Variants in FRMD4A observed in about 807,000 individuals in gnomAD.
FRMD4A encodes FERM domain-containing protein 4A.
FRMD4A carries 29 observed loss-of-function variants against 129.1 expected under a neutral mutation model. The ratio of observed to expected loss-of-function variants is 0.22; its 90% CI spans 0.17 to 0.31. The LOEUF is 0.31. FRMD4A is among the 10% of genes least tolerant of loss of function. The pLI is 1.00. For synonymous variants in FRMD4A, 634 were observed against 571.6 expected (o/e 1.11, Z -1.56); for missense variants, 1,272 against 1,375.8 (o/e 0.92, Z 1.19).
chr10:14,220,697 A>C (rs139253061), intron 2 of FRMD4A, among the ~76,000 whole-genome samples: 44 of 152,206 alleles, frequency 2.9e-4, no homozygotes, highest in African/African-American at 1.0e-3. Flanking sequence ...GAGTCATTCA[A>C]TAGAGGACCA....
chr10:14,167,388 C>T (rs968547190), intron 2 of FRMD4A, among the ~76,000 whole-genome samples: 3 of 151,384 alleles, frequency 2.0e-5, no homozygotes, highest in Admixed American at 6.6e-5. Flanking sequence ...AAAAATTAGC[C>T]GGGTGTGGTG....
At chr10:13,741,664 G>A (rs1479664938) in intron 9 of FRMD4A, among the ~76,000 whole-genome samples, 1 of 152,146 alleles carries the variant, frequency 6.6e-6, no homozygotes, top group Non-Finnish European at 1.5e-5. Flanking sequence ...CCTTAACCAA[G>A]TGCCCACAGC....
intron 2 of FRMD4A, among the ~76,000 whole-genome samples, chr10:13,947,924 C>G (rs1287970666): frequency 6.6e-6 from 1 of 151,976 alleles, no homozygotes; most frequent in Admixed American, 6.6e-5. Flanking sequence ...TCAGGCGGGG[C>G]ATAGTGGCTC....
At chr10:13,765,101 A>ATTTTTTTTTTTGTT (rs2092233025) in intron 6 of FRMD4A, among the ~76,000 whole-genome samples, 5 of 125,276 alleles carry the variant, frequency 4.0e-5, no homozygotes, top group Non-Finnish European at 8.1e-5. Flanking sequence ...TCAAGGATTG[A>ATTTTTTTTTTTGTT]TTTTTTTTTT....
chr10:14,021,282 G>C (rs1012351714), intron 2 of FRMD4A, among the ~76,000 whole-genome samples: 23 of 151,930 alleles, frequency 1.5e-4, no homozygotes, highest in African/African-American at 5.1e-4. Context: ...GCTCACACCT[G>C]TAATAATCCT....
chr10:13,732,038 G>T (rs1409987293), intron 12 of FRMD4A, among the ~76,000 whole-genome samples: 2 of 152,148 alleles, frequency 1.3e-5, no homozygotes, highest in Non-Finnish European at 1.5e-5. Context: ...TGCATTGAGG[G>T]CTGTGCTTCT....
intron 15 of FRMD4A, chr10:13,675,741 A>C (rs1016278790): frequency 1.9e-4 from 29 of 152,124 alleles, no homozygotes; most frequent in African/African-American, 7.0e-4. Flanking sequence ...CCTTAAAAAT[A>C]CTTATTATTT....
At chr10:13,730,522 A>G (rs554051884) in intron 12 of FRMD4A, among the ~76,000 whole-genome samples, 2 of 152,152 alleles carry the variant, frequency 1.3e-5, no homozygotes, top group African/African-American at 4.8e-5. Context: ...GCAAACTAAG[A>G]CGAAACTTGG....
chr10:13,997,439 G>A (rs2095626579), intron 2 of FRMD4A, among the ~76,000 whole-genome samples: 2 of 152,032 alleles, frequency 1.3e-5, no homozygotes, highest in African/African-American at 2.4e-5. Context: ...TTCCTCTGCT[G>A]TGTTCTTTTC....
intron 2 of FRMD4A, among the ~76,000 whole-genome samples, chr10:14,151,468 G>A (rs1840334929): frequency 6.6e-6 from 1 of 152,136 alleles, no homozygotes; most frequent in Admixed American, 6.5e-5. Flanking sequence ...TGAACAAAAA[G>A]ATGAAAATAG....
intron 2 of FRMD4A, among the ~76,000 whole-genome samples, chr10:13,913,293 G>A (rs1291163681): frequency 6.6e-6 from 1 of 152,184 alleles, no homozygotes; most frequent in Non-Finnish European, 1.5e-5. Context: ...TGGAGTTAAT[G>A]TGTGTGGGGA....
chr10:13,721,835 A>C (rs1383837933), intron 12 of FRMD4A, among the ~76,000 whole-genome samples: 1 of 152,250 alleles, frequency 6.6e-6, no homozygotes, highest in Non-Finnish European at 1.5e-5. Flanking sequence ...AAACTCAATT[A>C]TGTCCTTAAA....
chr10:14,181,270 T>A (rs1300319309), intron 2 of FRMD4A, among the ~76,000 whole-genome samples: 1 of 152,152 alleles, frequency 6.6e-6, no homozygotes, highest in Non-Finnish European at 1.5e-5. Flanking sequence ...TGAAAAGAGG[T>A]ATTTCCACTT....
rs2081005256 is a variant in FRMD4A, at chr10:13,644,625, C to G, written c.*2413G>C. 6.6e-6 allele frequency: 1 copy of G among 152,192 alleles called. No individual in the cohort carries two copies. The highest frequency in any genetic ancestry group is 1.5e-5 in the Non-Finnish European group (1 of 68,038). The allele number at this position is 152,192 out of a possible 1,614,324, so 9.4% of individuals were successfully genotyped here. On this transcript the variant is annotated 3_prime_UTR_variant, in exon 25 of 25. Coordinates refer to ENST00000357447, the MANE Select transcript of FRMD4A (RefSeq NM_018027.5). The stretch of plus-strand genomic sequence containing the variant: ...GAATCTTGATCCAGTTTTCTCCAGA[C>G]TAGATTTCAAGCTACTATGCATGAT...
At chr10:13,835,528 A>G (rs940652861) in intron 3 of FRMD4A, among the ~76,000 whole-genome samples, 4 of 152,100 alleles carry the variant, frequency 2.6e-5, no homozygotes, top group African/African-American at 7.2e-5. Context: ...ATCGCGCATT[A>G]TTGCCTGAGT....
At chr10:14,092,929 C>T (rs1189223684) in intron 2 of FRMD4A, among the ~76,000 whole-genome samples, 4 of 152,188 alleles carry the variant, frequency 2.6e-5, no homozygotes, top group Non-Finnish European at 5.9e-5. Context: ...GCCAGGAATG[C>T]GGAGCAGTCC....
At chr10:13,747,885 C>T (rs1390004513) in intron 8 of FRMD4A, 66 bp from the exon 9 acceptor site, 1 of 881,686 alleles carries the variant, frequency 1.1e-6, no homozygotes, top group African/African-American at 1.6e-5. Flanking sequence ...TCTGATACCA[C>T]TTGGGCCGCT....
chr10:13,763,239 T>TA (rs1171057252), intron 6 of FRMD4A, among the ~76,000 whole-genome samples: 1 of 152,204 alleles, frequency 6.6e-6, no homozygotes, highest in Admixed American at 6.5e-5. Flanking sequence ...ACCTGTTTGT[T>TA]AATGTTATTA....
At chr10:14,031,002 C>T (rs974118938) in intron 2 of FRMD4A, among the ~76,000 whole-genome samples, 6 of 152,186 alleles carry the variant, frequency 3.9e-5, no homozygotes, top group African/African-American at 1.4e-4. Flanking sequence ...GTCAGGCACA[C>T]CCAGGAGTAC....
Sources: allele counts gnomAD v4.1 joint callset (sites outside exome capture counted in the v4.1 genomes callset), GRCh38; gene constraint gnomAD v4.1.1; transcripts MANE v1.5; gene names NCBI Gene and HGNC (gene_info 2026-07-23, HGNC 2026-07-21).